OR2C1: variants seen among roughly 807,000 people sequenced by gnomAD.
The protein encoded by OR2C1 is olfactory receptor 2C1.
For missense variants in OR2C1, 468 were observed against 388.3 expected (o/e 1.21, Z -1.73); for synonymous variants, 209 against 167.3 (o/e 1.25, Z -1.92).
the OR2C1 span, among the ~76,000 whole-genome samples, chr16:3,339,598 A>G: frequency 6.6e-6 from 1 of 152,114 alleles, no homozygotes; most frequent in Non-Finnish European, 1.5e-5. Context: ...CTGGGACTAC[A>G]GACGCCCACC....
At chr16:3,343,172 G>A in the OR2C1 span, among the ~76,000 whole-genome samples, 7 of 152,124 alleles carry the variant, frequency 4.6e-5, no homozygotes, top group Non-Finnish European at 1.5e-5. Flanking sequence ...CAGATACACA[G>A]ACCTACACAT....
chr16:3,343,990 G>C, the OR2C1 span, among the ~76,000 whole-genome samples: 2 of 152,268 alleles, frequency 1.3e-5, no homozygotes, highest in East Asian at 3.9e-4. Flanking sequence ...AGGCCAATGT[G>C]GGGGGATCAC....
upstream of OR2C1, among the ~76,000 whole-genome samples, chr16:3,354,877 A>G (rs563753669): frequency 4.9e-4 from 75 of 152,114 alleles, 1 homozygote; most frequent in South Asian, 0.011. Flanking sequence ...AGATCCTCCC[A>G]CCTCAGCCTC....
chr16:3,328,834 T>C, the OR2C1 span, among the ~76,000 whole-genome samples: 1 of 151,990 alleles, frequency 6.6e-6, no homozygotes, highest in Admixed American at 6.6e-5. Context: ...GCTCTGAGGG[T>C]GTTGCCCCAC....
At chr16:3,355,517 C>T (rs2030650699), upstream of OR2C1, among the ~76,000 whole-genome samples, 1 of 144,434 alleles carries the variant, frequency 6.9e-6, no homozygotes, top group South Asian at 2.3e-4. Context: ...TGCAGTGGTT[C>T]ATGCCTGTAA....
chr16:3,325,005 A>G, the OR2C1 span, among the ~76,000 whole-genome samples: 84 of 152,238 alleles, frequency 5.5e-4, 2 homozygotes, highest in East Asian at 0.016. Flanking sequence ...GTTTTGAGAC[A>G]GAGCCTCACT....
At chr16:3,325,714 T>C in the OR2C1 span, among the ~76,000 whole-genome samples, 1 of 151,456 alleles carries the variant, frequency 6.6e-6, no homozygotes, top group Non-Finnish European at 1.5e-5. Flanking sequence ...ATATCTCATA[T>C]AGGTAGATAT....
At chr16:3,336,983 C>T in the OR2C1 span, among the ~76,000 whole-genome samples, 1 of 151,868 alleles carries the variant, frequency 6.6e-6, no homozygotes, top group Non-Finnish European at 1.5e-5. Flanking sequence ...GCTGGGATTA[C>T]AGGCATGAGC....
chr16:3,333,651 T>G, the OR2C1 span, among the ~76,000 whole-genome samples: 1 of 152,194 alleles, frequency 6.6e-6, no homozygotes, highest in African/African-American at 2.4e-5. Context: ...ACAAATATTT[T>G]CTATGGGTTG....
At chr16:3,341,898 T>C in the OR2C1 span, among the ~76,000 whole-genome samples, 1 of 152,352 alleles carries the variant, frequency 6.6e-6, no homozygotes, top group African/African-American at 2.4e-5. Flanking sequence ...CTTCAAAGCA[T>C]GTCTTGGTCT....
At chr16:3,329,259 C>T in the OR2C1 span, among the ~76,000 whole-genome samples, 2 of 147,566 alleles carry the variant, frequency 1.4e-5, no homozygotes, top group African/African-American at 2.5e-5. Flanking sequence ...ATTCTGCCTG[C>T]ATTTGTGTGA....
At chr16:3,340,993 G>C in the OR2C1 span, among the ~76,000 whole-genome samples, 34 of 150,772 alleles carry the variant, frequency 2.3e-4, no homozygotes, top group African/African-American at 8.3e-4. Flanking sequence ...AAAAAAAAAA[G>C]ACCACTGAAA....
the OR2C1 span, chr16:3,323,339 C>T: frequency 3.9e-5 from 43 of 1,107,330 alleles, no homozygotes; most frequent in East Asian, 1.0e-3. Context: ...GGAAATGCTT[C>T]ACTGGGAGGC....
At chr16:3,345,155 G>A in the OR2C1 span, among the ~76,000 whole-genome samples, 6 of 151,820 alleles carry the variant, frequency 4.0e-5, no homozygotes, top group Admixed American at 1.3e-4. Context: ...AAAACATTGT[G>A]GAGGAAAAAG....
In OR2C1 at chr16:3,356,831, G is replaced by A. The variant is rs781254245; in HGVS notation, c.891G>A (p.Val297=). ...TCTACACGCTGCGGAACATGGAAGT[G>A]AAGGGCGCACTGAGGAGGTTGCTGG... ...PLIYTLRNME[V]KGALRRLLGK... The change falls in exon 1 of 1, where the codon GTG becomes GTA. Residue 297 remains valine, a synonymous_variant. Coordinates refer to ENST00000304936, the MANE Select transcript of OR2C1 (RefSeq NM_012368.3). 1 of 1,612,968 alleles carries A rather than the reference G, an allele frequency of 6.2e-7. No homozygotes were observed. The highest frequency in any genetic ancestry group is 1.7e-5 in the Admixed American group (1 of 59,908).
At chr16:3,344,821 T>C in the OR2C1 span, among the ~76,000 whole-genome samples, 1 of 152,202 alleles carries the variant, frequency 6.6e-6, no homozygotes, top group East Asian at 1.9e-4. Flanking sequence ...TGTAGACTGC[T>C]ACAACCCCTT....
chr16:3,334,926 C>T, the OR2C1 span, among the ~76,000 whole-genome samples: 1 of 151,926 alleles, frequency 6.6e-6, no homozygotes, highest in South Asian at 2.1e-4. Flanking sequence ...TCAAGTGATT[C>T]TCCTGCCTTA....
At chr16:3,351,523 A>G (rs1325438264), upstream of OR2C1, among the ~76,000 whole-genome samples, 2 of 152,078 alleles carry the variant, frequency 1.3e-5, no homozygotes, top group African/African-American at 4.8e-5. Flanking sequence ...CCCTTTAACT[A>G]TTTCCTCCTA....
chr16:3,347,556 A>G, the OR2C1 span, among the ~76,000 whole-genome samples: 5 of 151,236 alleles, frequency 3.3e-5, no homozygotes, highest in African/African-American at 1.2e-4. Flanking sequence ...TCCTCATAAC[A>G]ACTGCTTGCT....
Sources: gnomAD v4.1 joint callset for allele counts (sites outside exome capture counted in the v4.1 genomes callset) on GRCh38, gnomAD v4.1.1 for gene constraint, MANE v1.5 for transcripts, NCBI Gene and HGNC (gene_info 2026-07-23, HGNC 2026-07-21) for gene names.